Variants in ZMYM4 observed in about 807,000 individuals in gnomAD.
ZMYM4 encodes the protein zinc finger MYM-type protein 4.
A neutral mutation model predicts 183.2 loss-of-function variants in ZMYM4; 31 were observed. That is an observed-to-expected ratio of 0.17 (90% CI 0.13 to 0.23). The LOEUF is 0.23. Ranked by LOEUF, ZMYM4 falls within the 10% of genes least tolerant of loss-of-function variation. The probability of loss-of-function intolerance (pLI) is 1.00; values close to 1 mark genes in which losing one functional copy is unlikely to be tolerated. For synonymous variants in ZMYM4, 592 were observed against 631.2 expected, an observed-to-expected ratio of 0.94 and a Z score of 0.93; for missense variants, 1,273 against 1,840.3, an observed-to-expected ratio of 0.69 and a Z score of 5.64.
At chr1:35,356,827 T>G (rs1643836129) in intron 2 of ZMYM4, among the ~76,000 whole-genome samples, 1 of 152,142 alleles carries the variant, frequency 6.6e-6, no homozygotes, top group Non-Finnish European at 1.5e-5. Context: ...TGATTTATAT[T>G]TTGGAAAGGT....
chr1:35,291,322 T>C (rs1640750848), intron 1 of ZMYM4, among the ~76,000 whole-genome samples: 1 of 152,116 alleles, frequency 6.6e-6, no homozygotes, highest in Admixed American at 6.5e-5. Flanking sequence ...CGGGTCTTGC[T>C]TTGTTGCCTA....
rs200915685 is a variant in ZMYM4, at chr1:35,397,483, A to G, written c.3137A>G (p.Asp1046Gly). 2.5e-6 allele frequency: 4 copies of G among 1,613,682 alleles called. No individual in the cohort carries two copies. The highest frequency in any genetic ancestry group is 1.7e-5 in the Admixed American group (1 of 59,988). The change falls in exon 20 of 30, where the codon GAT becomes GGT. Residue 1046 changes from aspartate (D) to glycine (G), a missense_variant. By Grantham distance (94) the Asp-to-Gly change is moderately conservative. Coordinates refer to ENST00000314607, the MANE Select transcript of ZMYM4 (RefSeq NM_005095.3). ...EKLPTHPFEA[D>G]LLEMAEMIAE... is the part of the protein sequence containing the mutation. The stretch of plus-strand genomic sequence containing the variant: ...CTTCCCACACATCCATTTGAAGCTG[A>G]TCTCCTTGAGATGGCAGAAATGATT...
intron 23 of ZMYM4, among the ~76,000 whole-genome samples, chr1:35,400,698 G>A (rs1282419757): frequency 6.6e-6 from 1 of 152,154 alleles, no homozygotes; most frequent in Admixed American, 6.5e-5. Flanking sequence ...TATATGTTAT[G>A]TAATTCCCAC....
Position 35,389,809 on chromosome 1 carries a change from A to G in ZMYM4, c.2437-139A>G, listed in dbSNP as rs561311410. 2.1e-4 allele frequency: 122 copies of G among 584,750 alleles called. No individual in the cohort carries two copies. The African/African-American group carries it at 2.8e-3, about 13-fold the overall frequency. 36.2% of individuals were successfully genotyped at this position (584,750 alleles called of 1,614,324 possible). A position where few individuals can be genotyped will look rare whatever the true frequency, so the allele number is the denominator to read the frequency against. Reference sequence around the variant, plus strand: ...TGTGTGTGTGTGTGTGTGTGTGTGTATAATCATTGATAAAGACAAACTAAT... The same window carrying G: ...TGTGTGTGTGTGTGTGTGTGTGTGTGTAATCATTGATAAAGACAAACTAAT... On this transcript the variant is annotated intron_variant, in intron 14 of 29. Coordinates refer to ENST00000314607, the MANE Select transcript of ZMYM4 (RefSeq NM_005095.3). The surrounding 1 kb of genome is among the most constrained non-coding windows in gnomAD (Gnocchi z 4.0).
intron 1 of ZMYM4, among the ~76,000 whole-genome samples, chr1:35,274,608 T>G (rs1367657648): frequency 4.2e-5 from 6 of 143,868 alleles, no homozygotes; most frequent in South Asian, 2.3e-4. Context: ...AGACACTGTT[T>G]TTTTTTTTAA....
rs181232595 is a variant in ZMYM4, at chr1:35,299,027, G to C, written c.40-26333G>C. Among the ~76,000 whole-genome samples, 931 of 148,852 alleles carry C rather than the reference G, an allele frequency of 6.3e-3. 11 individuals are homozygous for C. Among genetic ancestry groups the C allele is most frequent in the Middle Eastern group, 0.031 (9 of 288 alleles). On this transcript the variant is annotated intron_variant, in intron 1 of 29. Coordinates refer to ENST00000314607, the MANE Select transcript of ZMYM4 (RefSeq NM_005095.3). The stretch of plus-strand genomic sequence containing the variant: ...AAGTATTTATTTTGCCTTCAGTTTT[G>C]AAAGTTTTTTTTTTTTTTTTTTAAG...
intron 26 of ZMYM4, among the ~76,000 whole-genome samples, chr1:35,409,855 G>A (rs1013870275): frequency 2.6e-5 from 4 of 151,708 alleles, no homozygotes; most frequent in Non-Finnish European, 4.4e-5. Flanking sequence ...CAGGAGAATC[G>A]CTTGAACCCA....
At chr1:35,358,521 TACTATC>T (rs971928865) in intron 2 of ZMYM4, among the ~76,000 whole-genome samples, 1 of 152,136 alleles carries the variant, frequency 6.6e-6, no homozygotes, top group African/African-American at 2.4e-5. Flanking sequence ...CTTTTGTACA[TACTATC>T]ACTAATCCTC....
intron 1 of ZMYM4, among the ~76,000 whole-genome samples, chr1:35,278,542 C>T (rs1356192624): frequency 6.6e-6 from 1 of 151,762 alleles, no homozygotes; most frequent in African/African-American, 2.4e-5. Context: ...TTTCCTGCCT[C>T]AGTCTCCCAA....
At position 35,399,496 on chromosome 1, in the gene ZMYM4, C is replaced by T. The variant is rs1316128677; in HGVS notation, c.3448C>T (p.Leu1150Phe). 6.2e-7 allele frequency: 1 copy of T among 1,613,978 alleles called. No individual in the cohort carries two copies. Among genetic ancestry groups the T allele is most frequent in the Non-Finnish European group, 8.5e-7 (1 of 1,180,016 alleles). Residue 1150 changes from leucine to phenylalanine, a missense_variant, in exon 23 of 30, where the codon CTT (leucine) becomes TTT (phenylalanine). Around this residue, in one of 6 missense-constraint regions of ZMYM4, gnomAD observed 133 missense variants for 155.7 expected, o/e 0.85. Coordinates refer to ENST00000314607, the MANE Select transcript of ZMYM4 (RefSeq NM_005095.3). ...GATTATTATAGACTCCTTTGACCCA[C>T]TTAATAAAGGACAGGGAATCCAGGC... ...ADFPSDSFDP[L>F]NKGQGIQARS...
intron 1 of ZMYM4, among the ~76,000 whole-genome samples, chr1:35,305,638 G>C (rs1408268848): frequency 1.3e-5 from 2 of 151,770 alleles, no homozygotes; most frequent in Admixed American, 6.6e-5. Flanking sequence ...CGAACTCCTG[G>C]GCTCCAGCAG....
At position 35,396,619 on chromosome 1, in the gene ZMYM4, T is replaced by G; in HGVS notation, c.2979T>G (p.Pro993=). Residue 993 remains proline, a synonymous_variant, in exon 19 of 30, where the codon CCT becomes CCG. Transcript: ENST00000314607. ...CCGTACCAGTGTTTGTTCCCATACC[T>G]CTTCACCTTTATACTCAATATGCTC... ...PVPVPVFVPI[P]LHLYTQYAPV... The G allele has an allele frequency of 1.9e-6, 3 of 1,613,926 alleles. No homozygotes were observed. The highest frequency in any genetic ancestry group is 2.5e-6 in the Non-Finnish European group (3 of 1,179,818).
chr1:35,308,920 A>G, intron 1 of ZMYM4: 1 of 978,158 alleles, frequency 1.0e-6, no homozygotes, highest in Non-Finnish European at 1.2e-6. Flanking sequence ...GATTCATGCA[A>G]AACAATAATA....
chr1:35,417,551 G>C (rs926782399), intron 28 of ZMYM4, among the ~76,000 whole-genome samples: 5 of 152,150 alleles, frequency 3.3e-5, no homozygotes, highest in African/African-American at 1.2e-4. Context: ...AGAGATGACA[G>C]CTTCTGCTGA....
intron 6 of ZMYM4, 84 bp from the exon 7 acceptor site, chr1:35,370,288 G>C (rs1644176325): frequency 7.0e-7 from 1 of 1,433,850 alleles, no homozygotes; most frequent in Non-Finnish European, 9.1e-7. Flanking sequence ...GAGAAAGAAA[G>C]AATGTCTACT....
intron 1 of ZMYM4, among the ~76,000 whole-genome samples, chr1:35,285,357 T>A (rs1004253121): frequency 6.6e-6 from 1 of 152,152 alleles, no homozygotes; most frequent in Admixed American, 6.5e-5. Context: ...CTTTCAGCAA[T>A]GTTTTGTACA....
intron 23 of ZMYM4, among the ~76,000 whole-genome samples, chr1:35,401,970 T>C (rs908086581): frequency 6.6e-6 from 1 of 152,218 alleles, no homozygotes; most frequent in Non-Finnish European, 1.5e-5. Flanking sequence ...CTTATATGTC[T>C]ATTTTTATAC....
intron 2 of ZMYM4, among the ~76,000 whole-genome samples, chr1:35,352,635 A>G (rs1344803779): frequency 6.6e-6 from 1 of 152,186 alleles, no homozygotes; most frequent in Non-Finnish European, 1.5e-5. Context: ...TCTTCATTTT[A>G]TCAGTCATCT....
At chr1:35,292,242 A>T (rs2479528) in intron 1 of ZMYM4, 37,998 of 152,004 alleles carry the variant, frequency 0.25, 9,916 homozygotes, top group East Asian at 0.77. Flanking sequence ...GCAGTAGCTA[A>T]TCTCAGGCGC....
Sources: gnomAD v4.1 joint callset for allele counts (sites outside exome capture counted in the v4.1 genomes callset) on GRCh38, gnomAD v4.1.1 for gene constraint, gnomAD v4.1.1 regional missense constraint, Gnocchi (gnomAD v3.1) non-coding constraint, MANE v1.5 for transcripts, NCBI Gene and HGNC (gene_info 2026-07-23, HGNC 2026-07-21) for gene names.